Variants in MINDY4 observed in about 807,000 individuals in gnomAD.
MINDY4 encodes MINDY lysine 48 deubiquitinase 4, also known as probable ubiquitin carboxyl-terminal hydrolase MINDY-4.
Under a neutral mutation model 87.0 loss-of-function variants are expected in MINDY4, and 68 were observed. The observed-to-expected ratio is 0.78, with a 90% confidence interval of 0.64 to 0.96. The LOEUF (loss-of-function observed/expected upper bound fraction) is 0.96, where lower values mean the gene tolerates loss of function less well. MINDY4 is among the 40% of genes least tolerant of loss of function. The pLI, the probability that MINDY4 is intolerant of heterozygous loss-of-function variation, is 0.00. For synonymous variants in MINDY4, 379 were observed against 363.2 expected (o/e 1.04, Z -0.50); for missense variants, 919 against 928.2 (o/e 0.99, Z 0.13).
chr7:30,793,241 A>G (rs1390477917), intron 5 of MINDY4, among the ~76,000 whole-genome samples: 2 of 151,208 alleles, frequency 1.3e-5, no homozygotes, highest in African/African-American at 2.4e-5. Flanking sequence ...GTTAAAGCCT[A>G]TCTCTGATAA....
chr7:30,822,761 G>A (rs1020407247), intron 5 of MINDY4, among the ~76,000 whole-genome samples: 10 of 151,600 alleles, frequency 6.6e-5, no homozygotes, highest in East Asian at 1.9e-4. Flanking sequence ...GAAGCCTCCC[G>A]AGCAGCTAGG....
chr7:30,840,333 G>A (rs983527718), intron 8 of MINDY4, among the ~76,000 whole-genome samples: 3 of 152,212 alleles, frequency 2.0e-5, no homozygotes, highest in Non-Finnish European at 2.9e-5. Context: ...CTGTTGAAGG[G>A]GCTCACTGCC....
intron 3 of MINDY4, among the ~76,000 whole-genome samples, chr7:30,784,875 C>T (rs1161038106): frequency 6.6e-6 from 1 of 152,208 alleles, no homozygotes; most frequent in Non-Finnish European, 1.5e-5. Flanking sequence ...GCCTGGTAAG[C>T]AGCTTGGCAT....
chr7:30,811,771 C>A (rs1229785910), intron 5 of MINDY4, among the ~76,000 whole-genome samples: 1 of 152,126 alleles, frequency 6.6e-6, no homozygotes, highest in Non-Finnish European at 1.5e-5. Flanking sequence ...ATATGCAGCC[C>A]CCAGTCACAT....
At chr7:30,836,370 G>A (rs145176048) in intron 6 of MINDY4, among the ~76,000 whole-genome samples, 255 of 152,290 alleles carry the variant, frequency 1.7e-3, no homozygotes, top group Non-Finnish European at 2.8e-3. Flanking sequence ...ATGTCCATGC[G>A]TGGAACTTTC....
Position 30,881,740 on chromosome 7 carries a change from C to T in MINDY4, c.1972-441C>T, listed in dbSNP as rs141259278. ...GATTTGGGAGATGCAGGCTGTCCAA[C>T]GGTAAGCAAGCTCTAGGCTAGTGGA... On this transcript the variant is annotated intron_variant, in intron 15 of 17. Coordinates refer to ENST00000265299, the MANE Select transcript of MINDY4 (RefSeq NM_032222.3). Among the ~76,000 whole-genome samples the T allele has an allele frequency of 1.8e-3, 274 of 152,264 alleles. 1 individual carries two copies. The highest frequency in any genetic ancestry group is 6.3e-3 in the African/African-American group (263 of 41,538).
intron 14 of MINDY4, among the ~76,000 whole-genome samples, chr7:30,874,321 G>A (rs535481289): frequency 6.6e-6 from 1 of 152,356 alleles, no homozygotes; most frequent in Admixed American, 6.5e-5. Flanking sequence ...AAGTAACAGG[G>A]TTGGGGGAAG....
chr7:30,856,900 A>G (rs1789589453), intron 12 of MINDY4, among the ~76,000 whole-genome samples: 5 of 152,168 alleles, frequency 3.3e-5, no homozygotes. Flanking sequence ...TGCCATTGTC[A>G]GAGCACTTCC....
intron 9 of MINDY4, among the ~76,000 whole-genome samples, chr7:30,845,650 T>C (rs573392533): frequency 6.6e-6 from 1 of 152,266 alleles, no homozygotes; most frequent in South Asian, 2.1e-4. Flanking sequence ...GCCCCTGCAC[T>C]TTCCTGCCTG....
Position 30,836,891 on chromosome 7 carries a change from G to A in MINDY4, c.1239+127G>A, listed in dbSNP as rs938828497. The stretch of plus-strand genomic sequence containing the variant: ...TTGGTCATTGTTGAAATGGAAATTT[G>A]GGTGTGATGTAGAAGAAAATGTGAA... On this transcript the variant is annotated intron_variant, in intron 7 of 17. Coordinates refer to ENST00000265299, the MANE Select transcript of MINDY4 (RefSeq NM_032222.3). 11 of 720,404 alleles carry A rather than the reference G, an allele frequency of 1.5e-5. No individual in the cohort carries two copies. In the East Asian group the frequency reaches 2.8e-4, roughly 19 times the overall value. The allele number at this position is 720,404 out of a possible 1,614,324, so 44.6% of individuals were successfully genotyped here. A position where few individuals can be genotyped will look rare whatever the true frequency, so the allele number is the denominator to read the frequency against.
intron 6 of MINDY4, among the ~76,000 whole-genome samples, chr7:30,835,607 C>T (rs1788834027): frequency 6.6e-6 from 1 of 152,162 alleles, no homozygotes; most frequent in Non-Finnish European, 1.5e-5. Flanking sequence ...GGCTGGGTCG[C>T]CCTGGGGAGA....
At chr7:30,786,630 GAAAAAAAA>G (rs59508821) in intron 4 of MINDY4, 2 of 119,176 alleles carry the variant, frequency 1.7e-5, no homozygotes, top group Non-Finnish European at 1.8e-5. Flanking sequence ...GTCTCAAAAA[GAAAAAAAA>G]AAAAAAAAAG....
At chr7:30,874,227 C>A (rs1790194531) in intron 14 of MINDY4, among the ~76,000 whole-genome samples, 1 of 152,238 alleles carries the variant, frequency 6.6e-6, no homozygotes, top group Admixed American at 6.5e-5. Flanking sequence ...AGTGCTGGGG[C>A]TGGGCTCGCT....
intron 15 of MINDY4, among the ~76,000 whole-genome samples, chr7:30,881,925 A>AG (rs1398522277): frequency 1.3e-5 from 2 of 151,654 alleles, no homozygotes; most frequent in East Asian, 1.9e-4. Context: ...GTGGGGGATG[A>AG]GGGGGCGAGT....
intron 4 of MINDY4, 41 bp from the exon 5 acceptor site, chr7:30,791,124 C>G: frequency 6.5e-7 from 1 of 1,539,768 alleles, no homozygotes; most frequent in Non-Finnish European, 8.8e-7. Context: ...TTCCAGCTCC[C>G]CTCAAAGGGT....
At chr7:30,838,559 A>G (rs1788932181) in intron 7 of MINDY4, among the ~76,000 whole-genome samples, 1 of 152,176 alleles carries the variant, frequency 6.6e-6, no homozygotes, top group African/African-American at 2.4e-5. Flanking sequence ...GAACACAGCC[A>G]TGGGTGGTAT....
intron 17 of MINDY4, among the ~76,000 whole-genome samples, chr7:30,886,420 G>A (rs1790633897): frequency 1.3e-5 from 2 of 152,192 alleles, no homozygotes; most frequent in Middle Eastern, 3.2e-3. Flanking sequence ...CTGTTGCCCT[G>A]CAAGAACCCC....
At chr7:30,839,069 A>G in intron 7 of MINDY4, 131 bp from the exon 8 acceptor site, 1 of 590,206 alleles carries the variant, frequency 1.7e-6, no homozygotes, top group African/African-American at 1.9e-5. Context: ...AAAAGAGAAG[A>G]GATGAACCAT....
chr7:30,882,163 G>A lies in MINDY4; in HGVS notation c.1972-18G>A. The stretch of plus-strand genomic sequence containing the variant: ...TCCCTGGGGACGGCATTTCACATCA[G>A]GCCTCTCCCTCATCCAGGTTGGCTG... On this transcript the variant is annotated intron_variant, in intron 15 of 17. Transcript: ENST00000265299. 3 of 1,593,794 alleles carry A rather than the reference G, an allele frequency of 1.9e-6. No homozygotes were observed. The highest frequency in any genetic ancestry group is 1.7e-6 in the Non-Finnish European group (2 of 1,165,872).
Sources: gnomAD v4.1 joint callset for allele counts (sites outside exome capture counted in the v4.1 genomes callset) on GRCh38, gnomAD v4.1.1 for gene constraint, MANE v1.5 for transcripts, NCBI Gene and HGNC (gene_info 2026-07-23, HGNC 2026-07-21) for gene names.